COL21A1: variants seen among roughly 807,000 people sequenced by gnomAD.
The protein encoded by COL21A1 is collagen alpha-1(XXI) chain.
A neutral mutation model predicts 137.9 loss-of-function variants in COL21A1; 149 were observed. That is an observed-to-expected ratio of 1.08 (90% CI 0.95 to 1.24). The LOEUF is 1.24. Among genes scored for constraint, COL21A1 ranks in the 50% most tolerant of loss-of-function variants. The pLI is 0.00. For missense variants in COL21A1, 1,167 were observed against 1,158.4 expected, an observed-to-expected ratio of 1.01 and a Z score of -0.11; for synonymous variants, 456 against 391.5, an observed-to-expected ratio of 1.16 and a Z score of -1.95.
chr6:56,265,859 T>C (rs1763378719), intron 1 of COL21A1, among the ~76,000 whole-genome samples: 1 of 152,204 alleles, frequency 6.6e-6, no homozygotes, highest in Non-Finnish European at 1.5e-5. Context: ...TGATGCTACT[T>C]GGAGTCTTAT....
rs1436789041 is a variant in COL21A1, at chr6:56,325,908, TAA to T, written c.-39+68061_-39+68062del. On this transcript the variant is annotated intron_variant, in intron 1 of 28. Transcript: ENST00000370819. ...TATAAATATAATATATATATTTACATAATATATATTATATAATATATATAATA... is the reference window on the plus strand; with the variant it reads ...TATAAATATAATATATATATTTACATTATATATTATATAATATATATAATA... Among the ~76,000 whole-genome samples, 27 of 58,698 alleles carry T rather than the reference TAA, an allele frequency of 4.6e-4. 1 individual carries two copies. The highest frequency in any genetic ancestry group is 6.1e-4 in the Non-Finnish European group (23 of 37,698). The allele number at this position is 58,698 out of a possible 152,430, so 38.5% of individuals were successfully genotyped here.
chr6:56,103,198 C>G (rs1396104685), intron 16 of COL21A1, among the ~76,000 whole-genome samples: 1 of 152,128 alleles, frequency 6.6e-6, no homozygotes, highest in Non-Finnish European at 1.5e-5. Context: ...TCAGGCCATA[C>G]TGCAGCATAT....
rs1054675187 is a variant in COL21A1 at position 56,219,036 on chromosome 6, C to T, written c.-39+28351G>A. Among the ~76,000 whole-genome samples the T allele has an allele frequency of 2.0e-5, 3 of 151,910 alleles. No individual in the cohort carries two copies. In the East Asian group the frequency reaches 5.8e-4, roughly 29 times the overall value. ...GGTGCCTCATGAGCTGAGCAAAAAT[C>T]AAAAATATCATCGTTTTGAAGTGTC... On this transcript the variant is annotated intron_variant, in intron 1 of 29. Coordinates refer to ENST00000244728, the MANE Select transcript of COL21A1 (RefSeq NM_030820.4).
intron 29 of COL21A1, 117 bp from the exon 30 acceptor site, chr6:56,057,961 C>G (rs1413743188): frequency 1.5e-6 from 1 of 687,360 alleles, no homozygotes; most frequent in Non-Finnish European, 2.3e-6. Flanking sequence ...TATATATTTG[C>G]ACTAATTATA....
chr6:56,338,437 C>A (rs902161951), intron 1 of COL21A1, among the ~76,000 whole-genome samples: 1 of 152,082 alleles, frequency 6.6e-6, no homozygotes, highest in African/African-American at 2.4e-5. Flanking sequence ...TAGGCTCCAC[C>A]CTGACCCTTT....
chr6:56,344,626 A>G (rs1765548826), intron 1 of COL21A1, among the ~76,000 whole-genome samples: 1 of 152,160 alleles, frequency 6.6e-6, no homozygotes, highest in Middle Eastern at 3.2e-3. Context: ...CATTTACCCC[A>G]TATTTCTGTC....
intron 8 of COL21A1, 80 bp from the exon 9 acceptor site, chr6:56,164,586 A>C (rs1362748434): frequency 1.8e-6 from 2 of 1,106,970 alleles, no homozygotes; most frequent in African/African-American, 1.6e-5. Flanking sequence ...ATGCATTTAT[A>C]TATTTGTGTA....
intron 1 of COL21A1, among the ~76,000 whole-genome samples, chr6:56,187,138 C>T (rs1047737110): frequency 6.6e-6 from 1 of 152,160 alleles, no homozygotes; most frequent in Non-Finnish European, 1.5e-5. Context: ...TGGTGAGGAC[C>T]TTACAGCTGG....
chr6:56,312,697 G>A (rs1020460370), intron 1 of COL21A1, among the ~76,000 whole-genome samples: 25 of 129,940 alleles, frequency 1.9e-4, no homozygotes, highest in East Asian at 1.4e-3. Context: ...TTGGGAGGCC[G>A]AAAAATATGA....
At chr6:56,082,409 A>G (rs1036277176) in intron 17 of COL21A1, among the ~76,000 whole-genome samples, 4 of 152,014 alleles carry the variant, frequency 2.6e-5, no homozygotes, top group African/African-American at 9.7e-5. Context: ...GAAATTTCCA[A>G]AATAATACCA....
At chr6:56,069,476 C>T (rs893404463) in intron 21 of COL21A1, among the ~76,000 whole-genome samples, 1 of 150,832 alleles carries the variant, frequency 6.6e-6, no homozygotes, top group Non-Finnish European at 1.5e-5. Flanking sequence ...ACTTATTCTC[C>T]TTGAAACTGC....
intron 1 of COL21A1, among the ~76,000 whole-genome samples, chr6:56,384,106 C>A (rs1015320090): frequency 6.6e-6 from 1 of 152,176 alleles, no homozygotes; most frequent in African/African-American, 2.4e-5. Flanking sequence ...GTCCAAGAGG[C>A]TAGGCAGTGC....
intron 1 of COL21A1, among the ~76,000 whole-genome samples, chr6:56,262,772 CT>C (rs1201269314): frequency 6.6e-6 from 1 of 152,090 alleles, no homozygotes; most frequent in African/African-American, 2.4e-5. Context: ...TCCAACCTCC[CT>C]CTAACTATAC....
chr6:56,326,940 A>G (rs1765108889), intron 1 of COL21A1, among the ~76,000 whole-genome samples: 1 of 152,034 alleles, frequency 6.6e-6, no homozygotes, highest in Non-Finnish European at 1.5e-5. Context: ...TGAAAGGGAA[A>G]TCTTAACAGA....
At chr6:56,158,412 A>G (rs978423227) in intron 9 of COL21A1, among the ~76,000 whole-genome samples, 3 of 151,332 alleles carry the variant, frequency 2.0e-5, no homozygotes, top group African/African-American at 7.3e-5. Flanking sequence ...AGCTGGGGTT[A>G]CAGGTACAAG....
intron 1 of COL21A1, among the ~76,000 whole-genome samples, chr6:56,287,703 T>C (rs945274122): frequency 5.3e-5 from 8 of 152,142 alleles, no homozygotes; most frequent in African/African-American, 1.9e-4. Flanking sequence ...TAGTTCTTTA[T>C]AGCAATGTGA....
At chr6:56,206,097 A>G (rs1394690598) in intron 1 of COL21A1, among the ~76,000 whole-genome samples, 4 of 152,220 alleles carry the variant, frequency 2.6e-5, no homozygotes, top group Non-Finnish European at 4.4e-5. Context: ...ATAAGCAGCT[A>G]GCATTATAAT....
At chr6:56,180,333 TC>T (rs1167250964) in intron 2 of COL21A1, among the ~76,000 whole-genome samples, 2 of 152,202 alleles carry the variant, frequency 1.3e-5, no homozygotes, top group African/African-American at 4.8e-5. Context: ...AAACAAATTT[TC>T]TACCAACTCC....
chr6:56,255,035 A>T (rs1782934368), intron 1 of COL21A1, among the ~76,000 whole-genome samples: 1 of 152,182 alleles, frequency 6.6e-6, no homozygotes, highest in African/African-American at 2.4e-5. Flanking sequence ...GTTTAATTTC[A>T]AATACTCTAC....
Sources: allele counts gnomAD v4.1 joint callset (sites outside exome capture counted in the v4.1 genomes callset), GRCh38; gene constraint gnomAD v4.1.1; transcripts MANE v1.5; gene names NCBI Gene and HGNC (gene_info 2026-07-23, HGNC 2026-07-21).